The following ACSL1 variants were observed in gnomAD, a reference collection of about 807,000 sequenced individuals.
The protein encoded by ACSL1 is long-chain-fatty-acid--CoA ligase 1.
In ACSL1, 41 loss-of-function variants were observed where a neutral mutation model predicts 98.4. That is an observed-to-expected ratio of 0.42 (90% CI 0.32 to 0.54). The LOEUF (loss-of-function observed/expected upper bound fraction) is 0.54. Among genes scored for constraint, ACSL1 ranks in the 20% least tolerant of loss-of-function variants. The pLI, the probability that ACSL1 is intolerant of heterozygous loss-of-function variation, is 0.13. For synonymous variants in ACSL1, 316 were observed against 322.7 expected (o/e 0.98, Z 0.22); for missense variants, 734 against 883.1 (o/e 0.83, Z 2.14).
At chr4:184,785,600 C>CCG (rs1392500206) in intron 3 of ACSL1, among the ~76,000 whole-genome samples, 573 of 19,140 alleles carry the variant, frequency 0.03, 120 homozygotes, top group Middle Eastern at 0.12. Flanking sequence ...TCCTCCTGGG[C>CCG]GGGGGCGGGG....
intron 1 of ACSL1, among the ~76,000 whole-genome samples, chr4:184,811,334 G>A (rs146899852): frequency 3.5e-3 from 526 of 151,818 alleles, no homozygotes; most frequent in African/African-American, 9.9e-3. Flanking sequence ...GGATGGTCTC[G>A]ATCTCCCGAC....
At chr4:184,774,020 A>T in intron 7 of ACSL1, 145 bp from the exon 8 acceptor site, 2 of 886,998 alleles carry the variant, frequency 2.3e-6, no homozygotes, top group South Asian at 3.3e-5. Context: ...AATTAAAGAA[A>T]CTATGGCAGT....
Position 184,770,445 on chromosome 4 carries a change from A to G in ACSL1, c.947T>C (p.Leu316Ser). The G allele has an allele frequency of 6.2e-7, 1 of 1,613,744 alleles. No individual in the cohort carries two copies. Among genetic ancestry groups the G allele is most frequent in the Non-Finnish European group, 8.5e-7 (1 of 1,179,968 alleles). Residue 316 changes from leucine to serine, a missense_variant, in exon 11 of 21, where the codon TTG becomes TCG. By Grantham distance (145) the Leu-to-Ser change is moderately radical. Coordinates refer to ENST00000281455, the MANE Select transcript of ACSL1 (RefSeq NM_001995.5). Reference sequence around the variant, plus strand: ...ATGGGCGAGAGGCAAGAAAGATATCAAAGTATCATCTGGGCAAGGATTGAC... The same window carrying G: ...ATGGGCGAGAGGCAAGAAAGATATCGAAGTATCATCTGGGCAAGGATTGAC... The part of the protein sequence containing the change: ...NTVNPCPDDT[L>S]ISFLPLAHMF...
At chr4:184,760,307 G>C in intron 18 of ACSL1, 50 bp downstream of exon 18, 1 of 1,600,212 alleles carries the variant, frequency 6.2e-7, no homozygotes, top group African/African-American at 1.3e-5. Flanking sequence ...TGGAGTACCA[G>C]GCAATGGCAA....
At chr4:184,800,215 C>T (rs1056975816) in intron 2 of ACSL1, among the ~76,000 whole-genome samples, 2 of 152,180 alleles carry the variant, frequency 1.3e-5, no homozygotes, top group Admixed American at 6.5e-5. Context: ...ACTGTCACTT[C>T]GGTTTTCCAT....
At chr4:184,758,483 C>G (rs1054533398) in intron 18 of ACSL1, 1 of 152,722 alleles carries the variant, frequency 6.5e-6, no homozygotes, top group African/African-American at 2.4e-5. Flanking sequence ...TGGAACCCAG[C>G]AATTTGAAGC....
At chr4:184,783,844 A>C (rs1766740389) in intron 4 of ACSL1, 83 bp downstream of exon 4, 1 of 1,319,012 alleles carries the variant, frequency 7.6e-7, no homozygotes, top group Non-Finnish European at 1.1e-6. Flanking sequence ...ACTCTGGAGA[A>C]ACCTTCCGGC....
chr4:184,797,146 A>C (rs72695665), intron 2 of ACSL1, among the ~76,000 whole-genome samples: 20,545 of 152,112 alleles, frequency 0.14, 1,477 homozygotes, highest in African/African-American at 0.16. Flanking sequence ...TCCTGCCCAG[A>C]TCAACAACAG....
At position 184,825,073 on chromosome 4, in the gene ACSL1, G is replaced by A; in HGVS notation, c.-33+843C>T. 3.1e-6 allele frequency: 2 copies of A among 653,376 alleles called. No individual in the cohort carries two copies. The highest frequency in any genetic ancestry group is 3.8e-6 in the Non-Finnish European group (2 of 526,506). The allele number at this position is 653,376 out of a possible 1,614,324, so 40.5% of individuals were successfully genotyped here. On this transcript the variant is annotated intron_variant, in intron 1 of 20. Coordinates refer to ENST00000281455, the MANE Select transcript of ACSL1 (RefSeq NM_001995.5). This position sits in a 1 kb window ranked among gnomAD's most constrained non-coding sequence, Gnocchi z 4.7. ...CTTAAAAGTCTTAGCCAGGGCACTA[G>A]AGAACGCTTTTAGAATGGTCACTCT...
chr4:184,780,372 G>T lies in ACSL1; in HGVS notation c.437C>A (p.Pro146Gln). Residue 146 changes from proline (P) to glutamine (Q), a missense_variant, in exon 5 of 21, where the codon CCA becomes CAA. Coordinates refer to ENST00000281455, the MANE Select transcript of ACSL1 (RefSeq NM_001995.5). ...AGCAAAGATGCCAATGAACTGATCT[G>T]GGGCAGTCTTGAAGCCCTTCTGGAT... The part of the protein sequence containing the change: ...ALIQKGFKTA[P>Q]DQFIGIFAQN... 7 of 1,613,762 alleles carry T rather than the reference G, an allele frequency of 4.3e-6. No individual in the cohort carries two copies. Among genetic ancestry groups the T allele is most frequent in the Non-Finnish European group, 5.1e-6 (6 of 1,179,932 alleles).
At chr4:184,819,235 C>T (rs1262727476) in intron 1 of ACSL1, among the ~76,000 whole-genome samples, 1 of 151,680 alleles carries the variant, frequency 6.6e-6, no homozygotes, top group Non-Finnish European at 1.5e-5. Flanking sequence ...CTCTGCCTCC[C>T]AGGCTCAAGG....
intron 1 of ACSL1, chr4:184,821,314 A>C: frequency 3.2e-6 from 1 of 315,114 alleles, no homozygotes; most frequent in East Asian, 8.5e-5. Context: ...AGAGTGTTTC[A>C]GTCCTTCTTA....
chr4:184,759,047 C>T (rs1762515317), intron 18 of ACSL1, among the ~76,000 whole-genome samples: 1 of 151,908 alleles, frequency 6.6e-6, no homozygotes, highest in Non-Finnish European at 1.5e-5. Flanking sequence ...TGGTTTCCAG[C>T]TTCATCCATG....
Position 184,773,211 on chromosome 4 carries a change from C to A in ACSL1, c.842-57G>T. ...AAAGAATGACAGAAATGAAGGAGGC[C>A]CAGAAACCTCACATAATTAGGGCTT... On this transcript the variant is annotated intron_variant, in intron 9 of 20. Coordinates refer to ENST00000281455, the MANE Select transcript of ACSL1 (RefSeq NM_001995.5). The surrounding 1 kb of genome is among the most constrained non-coding windows in gnomAD (Gnocchi z 4.3). The A allele has an allele frequency of 6.7e-7, 1 of 1,494,250 alleles. No homozygotes were observed. Among genetic ancestry groups the A allele is most frequent in the South Asian group, 1.1e-5 (1 of 87,554 alleles). 92.6% of individuals were successfully genotyped at this position (1,494,250 alleles called of 1,614,324 possible).
Position 184,825,665 on chromosome 4 carries a change from G to A in ACSL1, c.-33+251C>T, listed in dbSNP as rs1579979618. Among the ~76,000 whole-genome samples the A allele has an allele frequency of 6.7e-6, 1 of 149,924 alleles. No homozygotes were observed. The highest frequency in any genetic ancestry group is 2.0e-4 in the East Asian group (1 of 5,088). ...CGCGCACCAGCCCCGCGCCCGCGCC[G>A]CCCGCGACTCAGACACAGGAAGCTG... On this transcript the variant is annotated intron_variant, in intron 1 of 20. Transcript: ENST00000281455. The surrounding 1 kb of genome is among the most constrained non-coding windows in gnomAD (Gnocchi z 4.7).
At chr4:184,786,928 G>A (rs958149184) in intron 3 of ACSL1, among the ~76,000 whole-genome samples, 4 of 152,032 alleles carry the variant, frequency 2.6e-5, no homozygotes, top group Non-Finnish European at 5.9e-5. Context: ...TCCTGACCTC[G>A]TGACCTGCCC....
chr4:184,770,154 AG>A, intron 11 of ACSL1: 1 of 1,143,420 alleles, frequency 8.7e-7, no homozygotes, highest in South Asian at 1.6e-5. Context: ...GTTCATACTC[AG>A]AAAAAGAATT....
intron 1 of ACSL1, among the ~76,000 whole-genome samples, chr4:184,814,478 T>G (rs1479940437): frequency 6.6e-6 from 1 of 152,078 alleles, no homozygotes. Flanking sequence ...GGAACAGTGA[T>G]ATATGAAGAA....
chr4:184,814,235 G>A (rs1255811242), intron 1 of ACSL1, among the ~76,000 whole-genome samples: 5 of 141,748 alleles, frequency 3.5e-5, no homozygotes, highest in East Asian at 2.1e-4. Flanking sequence ...AGCTTGCAGT[G>A]AGCCAAGATC....
Sources: gnomAD v4.1 joint callset for allele counts (sites outside exome capture counted in the v4.1 genomes callset) on GRCh38, gnomAD v4.1.1 for gene constraint, Gnocchi (gnomAD v3.1) non-coding constraint, MANE v1.5 for transcripts, NCBI Gene and HGNC (gene_info 2026-07-23, HGNC 2026-07-21) for gene names.